DCC: variants seen among roughly 807,000 people sequenced by gnomAD.
DCC encodes DCC netrin 1 receptor, also known as netrin receptor DCC.
A neutral mutation model predicts 172.5 loss-of-function variants in DCC; 58 were observed. That is an observed-to-expected ratio of 0.34 (90% confidence interval 0.27 to 0.42). DCC has a LOEUF of 0.42. DCC is among the 10% of genes least tolerant of loss of function. The pLI is 1.00. For missense variants in DCC, 1,740 were observed against 1,791.0 expected (o/e 0.97, Z 0.51); for synonymous variants, 709 against 644.5 (o/e 1.10, Z -1.52).
At chr18:53,398,629 A>G (rs554628204) in intron 18 of DCC, among the ~76,000 whole-genome samples, 1 of 152,274 alleles carries the variant, frequency 6.6e-6, no homozygotes, top group South Asian at 2.1e-4. Context: ...AAAGAGAAGT[A>G]GTAGTATTTT....
intron 1 of DCC, among the ~76,000 whole-genome samples, chr18:52,406,829 A>C (rs1986670794): frequency 6.6e-6 from 1 of 152,070 alleles, no homozygotes; most frequent in South Asian, 2.1e-4. Context: ...ATGTAGGTAG[A>C]TTCAGTATGA....
intron 2 of DCC, among the ~76,000 whole-genome samples, chr18:52,885,781 C>T (rs1568168028): frequency 6.6e-6 from 1 of 152,016 alleles, no homozygotes; most frequent in Non-Finnish European, 1.5e-5. Context: ...ACATCTGAAG[C>T]CACAACATCT....
At chr18:53,245,075 A>G (rs947922395) in intron 12 of DCC, among the ~76,000 whole-genome samples, 4 of 152,096 alleles carry the variant, frequency 2.6e-5, no homozygotes, top group Non-Finnish European at 5.9e-5. Flanking sequence ...TTAGAGTCAT[A>G]TATTTGGATG....
chr18:52,957,592 T>G (rs1598969434), intron 5 of DCC, among the ~76,000 whole-genome samples: 1 of 152,154 alleles, frequency 6.6e-6, no homozygotes, highest in Non-Finnish European at 1.5e-5. Flanking sequence ...ATCTCACAAA[T>G]ATTGTAAATG....
chr18:52,972,286 T>C (rs2041042112), intron 5 of DCC, among the ~76,000 whole-genome samples: 1 of 152,170 alleles, frequency 6.6e-6, no homozygotes, highest in African/African-American at 2.4e-5. Flanking sequence ...AAATATGCCT[T>C]CCACAATTAA....
intron 7 of DCC, among the ~76,000 whole-genome samples, chr18:53,146,123 T>C (rs2043908537): frequency 6.6e-6 from 1 of 152,080 alleles, no homozygotes; most frequent in South Asian, 2.1e-4. Context: ...TCCCAGCTCC[T>C]TGGGAGGCTG....
At chr18:52,976,422 T>G (rs577228636) in intron 5 of DCC, among the ~76,000 whole-genome samples, 3 of 152,282 alleles carry the variant, frequency 2.0e-5, no homozygotes, top group African/African-American at 7.2e-5. Context: ...AATATTTTCC[T>G]GTATCTGTGT....
At chr18:52,963,052 A>G (rs1006084917) in intron 5 of DCC, among the ~76,000 whole-genome samples, 3 of 151,456 alleles carry the variant, frequency 2.0e-5, no homozygotes, top group Non-Finnish European at 2.9e-5. Flanking sequence ...ACATGTATAC[A>G]TATGTAACCT....
Position 53,428,153 on chromosome 18 carries a change from ATAATATAATAATATATAATAT to A in DCC, c.3164-6990_3164-6970del, listed in dbSNP as rs1568125497. On this transcript the variant is annotated intron_variant, in intron 21 of 28. Transcript: ENST00000442544. ...AATATAATATAATAATATATAATATATAATATAATAATATATAATATGTAATATATAATATAGAATATATAA... is the reference window on the plus strand; with the variant it reads ...AATATAATATAATAATATATAATATAGTAATATATAATATAGAATATATAA... 2.5e-4 allele frequency among the ~76,000 whole-genome samples: 9 copies of A among 36,130 alleles called. 3 individuals are homozygous for A. Among genetic ancestry groups the A allele is most frequent in the African/African-American group, 7.8e-4 (9 of 11,466 alleles). The allele number at this position is 36,130 out of a possible 152,430, so 23.7% of individuals were successfully genotyped here.
intron 1 of DCC, among the ~76,000 whole-genome samples, chr18:52,452,377 A>G (rs347545): frequency 0.031 from 4,715 of 152,258 alleles, 237 homozygotes; most frequent in African/African-American, 0.11. Flanking sequence ...CTTTTTCCCC[A>G]AAATTATTCC....
At chr18:52,500,417 T>G (rs898549624) in intron 1 of DCC, among the ~76,000 whole-genome samples, 3 of 152,202 alleles carry the variant, frequency 2.0e-5, no homozygotes, top group African/African-American at 4.8e-5. Context: ...TCTGGACTTA[T>G]CATGTGTGGA....
At chr18:52,747,349 C>T (rs1599070070) in intron 1 of DCC, among the ~76,000 whole-genome samples, 2 of 152,278 alleles carry the variant, frequency 1.3e-5, no homozygotes, top group African/African-American at 4.8e-5. Context: ...AGGGGATGGC[C>T]ATTGGACATC....
At chr18:52,649,924 C>T (rs539007246) in intron 1 of DCC, among the ~76,000 whole-genome samples, 1 of 150,508 alleles carries the variant, frequency 6.6e-6, no homozygotes, top group South Asian at 2.1e-4. Context: ...CTTTCTTTTC[C>T]TTTAGGTAGA....
At chr18:52,474,029 A>T (rs1019734176) in intron 1 of DCC, among the ~76,000 whole-genome samples, 1 of 152,154 alleles carries the variant, frequency 6.6e-6, no homozygotes, top group African/African-American at 2.4e-5. Flanking sequence ...CTTTAAAAAA[A>T]ATAAATTTAA....
intron 2 of DCC, among the ~76,000 whole-genome samples, chr18:52,783,323 CTTTTTTTTTTTTTTTTTTTT>C (rs374129823): frequency 2.0e-4 from 12 of 59,256 alleles, no homozygotes; most frequent in Admixed American, 2.4e-4. Flanking sequence ...TACTACTACT[CTTTTTTTTTTTTTTTTTTTT>C]TTTTTTTTTT....
intron 5 of DCC, among the ~76,000 whole-genome samples, chr18:53,016,701 T>C (rs1242316945): frequency 6.6e-6 from 1 of 152,172 alleles, no homozygotes; most frequent in African/African-American, 2.4e-5. Context: ...TAGAGAAATA[T>C]GTAAGAGGAA....
At chr18:53,049,502 A>G (rs1265708906) in intron 5 of DCC, among the ~76,000 whole-genome samples, 1 of 151,888 alleles carries the variant, frequency 6.6e-6, no homozygotes, top group Non-Finnish European at 1.5e-5. Flanking sequence ...GTAAGTATGC[A>G]GCATTATTTC....
chr18:53,236,645 T>C (rs1313265585), intron 12 of DCC, among the ~76,000 whole-genome samples: 1 of 152,102 alleles, frequency 6.6e-6, no homozygotes, highest in East Asian at 1.9e-4. Flanking sequence ...TGACCTTTTA[T>C]GATCTACTTA....
chr18:52,950,967 A>AAAAAAAAAAAAAAAC (rs2040637036), intron 5 of DCC, among the ~76,000 whole-genome samples: 1 of 131,230 alleles, frequency 7.6e-6, no homozygotes, highest in Non-Finnish European at 1.6e-5. Flanking sequence ...AAAAAAAAAA[A>AAAAAAAAAAAAAAAC]AAAAGTCTGA....
Sources: gnomAD v4.1 joint callset for allele counts (sites outside exome capture counted in the v4.1 genomes callset) on GRCh38, gnomAD v4.1.1 for gene constraint, MANE v1.5 for transcripts, NCBI Gene and HGNC (gene_info 2026-07-23, HGNC 2026-07-21) for gene names.